The following BEX2 variants were observed in gnomAD, a reference collection of about 807,000 sequenced individuals.
BEX2 encodes the protein protein BEX2.
A neutral mutation model predicts 4.1 loss-of-function variants in BEX2; 2 were observed. The observed-to-expected ratio is 0.49, with a 90% CI of 0.20 to 1.53. The LOEUF (loss-of-function observed/expected upper bound fraction) is 1.53, where lower values mean the gene tolerates loss of function less well. BEX2 is among the 40% of genes most tolerant of loss of function. BEX2 has a pLI of 0.23. For missense variants in BEX2, 94 were observed against 99.9 expected (o/e 0.94, Z 0.25); for synonymous variants, 34 against 35.9 (o/e 0.95, Z 0.19).
At position 103,310,867 on chromosome X, in the gene BEX2, C is replaced by A; in HGVS notation, c.-89G>T. ...CCCCTCCGGGTCCCTTACCTGCTCC[C>A]CCTCCGCTTCCTACTTTCGGGGCCG... On this transcript the variant is annotated 5_prime_UTR_variant, in exon 1 of 3. Coordinates refer to ENST00000372677, the MANE Select transcript of BEX2 (RefSeq NM_032621.4). 1 of 327,257 alleles carries A rather than the reference C, an allele frequency of 3.1e-6. No homozygotes were observed. The highest frequency in any genetic ancestry group is 5.5e-5 in the East Asian group (1 of 18,051). The allele number at this position is 327,257 out of a possible 1,213,427, so 27.0% of individuals were successfully genotyped here.
chrX:103,310,497 G>A, intron 1 of BEX2, 64 bp from the exon 2 acceptor site: 1 of 1,147,604 alleles, frequency 8.7e-7, no homozygotes, highest in Non-Finnish European at 1.2e-6. Context: ...AGGACCCGCC[G>A]CCACCCGGCC....
At position 103,309,504 on chromosome X, in the gene BEX2, A is replaced by G. The variant is rs964827071; in HGVS notation, c.*86T>C. On this transcript the variant is annotated 3_prime_UTR_variant, in exon 3 of 3. Transcript: ENST00000372677. Reference sequence around the variant, plus strand: ...AGACCCACAAGAAATAGGTAACATCAAAACGTTTACGACAAAGGTACACCA... The same window carrying G: ...AGACCCACAAGAAATAGGTAACATCGAAACGTTTACGACAAAGGTACACCA... The G allele has an allele frequency of 3.5e-6, 4 of 1,140,334 alleles. No homozygotes were observed. The African/African-American group carries it at 7.4e-5, about 21-fold the overall frequency. 94.0% of individuals were successfully genotyped at this position (1,140,334 alleles called of 1,213,427 possible).
Position 103,310,547 on chromosome X carries a change from G to GC in BEX2, c.-81-115dup, listed in dbSNP as rs1569312600. ...GGCCCGGGCCCTCCTAGCCGCTCTC[G>GC]CCCCCCGCCTCAGCCGCCCAGCCCC... On this transcript the variant is annotated intron_variant, in intron 1 of 2. Transcript: ENST00000372677. The GC allele has an allele frequency of 5.2e-6, 6 of 1,147,134 alleles. No homozygotes were observed. The African/African-American group carries it at 5.4e-5, about 10-fold the overall frequency. The allele number at this position is 1,147,134 out of a possible 1,213,427, so 94.5% of individuals were successfully genotyped here. A position where few individuals can be genotyped will look rare whatever the true frequency, so the allele number is the denominator to read the frequency against.
chrX:103,310,855 C>T lies in BEX2; in HGVS notation c.-82+5G>A, dbSNP rs914458142. 2.9e-6 allele frequency: 1 copy of T among 340,370 alleles called. No individual in the cohort carries two copies. The highest frequency in any genetic ancestry group is 2.8e-5 in the African/African-American group (1 of 35,820). The allele number at this position is 340,370 out of a possible 1,213,427, so 28.1% of individuals were successfully genotyped here. ...AACCCCAGGGACCCCCTCCGGGTCC[C>T]TTACCTGCTCCCCCTCCGCTTCCTA... On this transcript the variant is annotated splice_donor_5th_base_variant and intron_variant, in intron 1 of 2. Coordinates refer to ENST00000372677, the MANE Select transcript of BEX2 (RefSeq NM_032621.4).
At chrX:103,310,757 C>A (rs986941078) in intron 1 of BEX2, 103 bp downstream of exon 1, 15 of 591,687 alleles carry the variant, frequency 2.5e-5, no homozygotes, top group Non-Finnish European at 2.7e-5. Context: ...GGGGCTGCAT[C>A]GTGGACCGGC....
At chrX:103,310,584 A>G (rs1926172749) in intron 1 of BEX2, 151 bp from the exon 2 acceptor site, 12 of 1,153,210 alleles carry the variant, frequency 1.0e-5, no homozygotes, top group Non-Finnish European at 1.4e-5. Context: ...CAAGCTGACC[A>G]CCATTTTCTG....
At position 103,310,427 on chromosome X, in the gene BEX2, C is replaced by T. The variant is rs759259308; in HGVS notation, c.-75G>A. 3.4e-5 allele frequency: 39 copies of T among 1,155,802 alleles called. No homozygotes were observed. In the Admixed American group the frequency reaches 8.5e-4, roughly 25 times the overall value. ...GGTGCGTCGCCGCAACACTTGGCCC[C>T]GCAAACCTGCAGACGGCCGGGGTGG... On this transcript the variant is annotated 5_prime_UTR_variant, in exon 2 of 3. Coordinates refer to ENST00000372677, the MANE Select transcript of BEX2 (RefSeq NM_032621.4).
chrX:103,310,044 C>T, intron 2 of BEX2, 63 bp from the exon 3 acceptor site: 2 of 1,077,560 alleles, frequency 1.9e-6, no homozygotes, highest in Admixed American at 3.0e-5. Flanking sequence ...AGGACAGAGG[C>T]CCGACTACCC....
Position 103,309,761 on chromosome X carries a change from C to G in BEX2, c.216G>C (p.Arg72Ser), listed in dbSNP as rs1385166196. 4 of 1,209,986 alleles carry G rather than the reference C, an allele frequency of 3.3e-6. No homozygotes were observed. Among genetic ancestry groups the G allele is most frequent in the Admixed American group, 4.4e-5 (2 of 45,785 alleles). Residue 72 changes from arginine (R) to serine (S), a missense_variant, in exon 3 of 3, where the codon AGG (arginine) becomes AGC (serine). Physicochemically the swap from Arg to Ser is moderately radical, Grantham distance 110. Transcript: ENST00000372677. ...ILQYRWDIMH[R>S]LGEPQARMRE... ...TCATCCTTGCCTGTGGCTCTCCAAG[C>G]CTATGCATTATGTCCCATCTATACT...
At chrX:103,310,329 C>A in intron 2 of BEX2, 29 bp downstream of exon 2, 1 of 1,144,331 alleles carries the variant, frequency 8.7e-7, no homozygotes, top group Non-Finnish European at 1.2e-6. Flanking sequence ...TGTTCTGACC[C>A]CCTCCCCACC....
intron 2 of BEX2, among the ~76,000 whole-genome samples, 157 bp from the exon 3 acceptor site, chrX:103,310,138 C>CG (rs776810235): frequency 2.1e-4 from 23 of 109,727 alleles, no homozygotes; most frequent in East Asian, 8.9e-4. Context: ...CATGTACCCT[C>CG]GGGGGGGCGA....
chrX:103,309,877 C>A lies in BEX2; in HGVS notation c.100G>T (p.Gly34Trp). Reference protein sequence around the residue: ...KDEKEQVANKGEPLALPLNVS... With the variant: ...KDEKEQVANKWEPLALPLNVS... ...TTCAAAGGTAGGGCCAAGGGCTCCC[C>A]TTTATTAGCAACTTGCTCCTTTTCA... Residue 34 changes from glycine to tryptophan, a missense_variant, in exon 3 of 3, where the codon GGG becomes TGG. Gly to Trp is a radical substitution (Grantham distance 184, BLOSUM62 -2). Coordinates refer to ENST00000372677, the MANE Select transcript of BEX2 (RefSeq NM_032621.4). 1.7e-6 allele frequency: 2 copies of A among 1,211,933 alleles called. No homozygotes were observed. Among genetic ancestry groups the A allele is most frequent in the Non-Finnish European group, 2.2e-6 (2 of 895,574 alleles).
chrX:103,310,685 G>T, intron 1 of BEX2, 175 bp downstream of exon 1: 4 of 1,062,729 alleles, frequency 3.8e-6, no homozygotes, highest in Non-Finnish European at 5.0e-6. Context: ...AGGATCGCCG[G>T]CTCCCGCGGG....
At position 103,310,452 on chromosome X, in the gene BEX2, G is replaced by T. The variant is rs890658000; in HGVS notation, c.-81-19C>A. ...CGCAAACCTGCAGACGGCCGGGGTGGGAAGAGTGGGGGCTGCTGCAGCGGA... is the reference window on the plus strand; with the variant it reads ...CGCAAACCTGCAGACGGCCGGGGTGTGAAGAGTGGGGGCTGCTGCAGCGGA... On this transcript the variant is annotated intron_variant, in intron 1 of 2. Coordinates refer to ENST00000372677, the MANE Select transcript of BEX2 (RefSeq NM_032621.4). 4.3e-6 allele frequency: 5 copies of T among 1,154,340 alleles called. No homozygotes were observed. Among genetic ancestry groups the T allele is most frequent in the African/African-American group, 3.6e-5 (2 of 55,960 alleles).
At chrX:103,310,139 G>T (rs1169713345) in intron 2 of BEX2, among the ~76,000 whole-genome samples, 158 bp from the exon 3 acceptor site, 3 of 110,093 alleles carry the variant, frequency 2.7e-5, no homozygotes, top group African/African-American at 6.6e-5. Flanking sequence ...ATGTACCCTC[G>T]GGGGGGCGAG....
intron 1 of BEX2, chrX:103,310,651 G>A: frequency 3.5e-6 from 4 of 1,143,760 alleles, no homozygotes; most frequent in South Asian, 1.9e-5. Flanking sequence ...ACGGAGGCAG[G>A]TGCTTCCGAA....
Position 103,309,483 on chromosome X carries a change from C to T in BEX2, c.*107G>A, listed in dbSNP as rs1462875582. ...CATTTAGAAGCTGGTAATAGGAGAC[C>T]CACAAGAAATAGGTAACATCAAAAC... On this transcript the variant is annotated 3_prime_UTR_variant, in exon 3 of 3. Transcript: ENST00000372677. 2 of 1,091,944 alleles carry T rather than the reference C, an allele frequency of 1.8e-6. No individual in the cohort carries two copies. The highest frequency in any genetic ancestry group is 6.1e-5 in the East Asian group (2 of 32,881). The allele number at this position is 1,091,944 out of a possible 1,213,427, so 90.0% of individuals were successfully genotyped here.
At chrX:103,310,159 T>A (rs1926148394) in intron 2 of BEX2, among the ~76,000 whole-genome samples, 178 bp from the exon 3 acceptor site, 2 of 110,388 alleles carry the variant, frequency 1.8e-5, no homozygotes, top group African/African-American at 6.6e-5. Flanking sequence ...GGGGAGCCAG[T>A]CTGTGCCCTT....
At chrX:103,310,294 G>A in intron 2 of BEX2, 64 bp downstream of exon 2, 21 of 1,071,590 alleles carry the variant, frequency 2.0e-5, no homozygotes, top group Non-Finnish European at 2.6e-5. Flanking sequence ...GGCACGGATT[G>A]GGGTCTCAGA....
Sources: gnomAD v4.1 joint callset for allele counts (sites outside exome capture counted in the v4.1 genomes callset) on GRCh38, gnomAD v4.1.1 for gene constraint, MANE v1.5 for transcripts, NCBI Gene and HGNC (gene_info 2026-07-23, HGNC 2026-07-21) for gene names.